KAZN: variants seen among roughly 807,000 people sequenced by gnomAD.
KAZN encodes kazrin.
Under a neutral mutation model 87.4 loss-of-function variants are expected in KAZN, and 40 were observed. The ratio of observed to expected loss-of-function variants is 0.46; its 90% CI spans 0.36 to 0.60. The LOEUF is 0.60. KAZN is among the 20% of genes least tolerant of loss of function. The pLI, the probability that KAZN is intolerant of heterozygous loss-of-function variation, is 0.00. For missense variants in KAZN, 898 were observed against 1,073.9 expected, an observed-to-expected ratio of 0.84 and a Z score of 2.29; for synonymous variants, 466 against 458.3, an observed-to-expected ratio of 1.02 and a Z score of -0.22.
At chr1:14,921,796 C>T (rs59598763) in intron 1 of KAZN, among the ~76,000 whole-genome samples, 25,903 of 152,284 alleles carry the variant, frequency 0.17, 2,337 homozygotes, top group African/African-American at 0.21. Flanking sequence ...TCTGCAGCCT[C>T]CCCCTCCTAG....
In KAZN at chr1:14,631,303, G is replaced by A. The variant is rs72865003; in HGVS notation, c.226+32080G>A. On this transcript the variant is annotated intron_variant, in intron 1 of 14. Transcript: ENST00000376030. ...CAAGTATGAGCCAGGAAACAGTGAA[G>A]GCTAGAATAATTTGAGCCTGGATCA... is the stretch of plus-strand genomic sequence containing the variant. Among the ~76,000 whole-genome samples the A allele has an allele frequency of 2.7e-3, 416 of 152,344 alleles. 4 individuals are homozygous for A. Among genetic ancestry groups the A allele is most frequent in the African/African-American group, 9.7e-3 (404 of 41,574 alleles).
intron 1 of KAZN, among the ~76,000 whole-genome samples, chr1:14,899,993 G>A (rs1380885300): frequency 3.3e-5 from 5 of 152,046 alleles, no homozygotes; most frequent in African/African-American, 9.7e-5. Context: ...TCTTCTTCCC[G>A]TTCCGGCCCT....
intron 13 of KAZN, among the ~76,000 whole-genome samples, chr1:15,108,650 TAATGGGTTGAGACTC>T (rs1234571467): frequency 6.6e-6 from 1 of 152,202 alleles, no homozygotes; most frequent in South Asian, 2.1e-4. Context: ...AATCCTTGGT[TAATGGGTTGAGACTC>T]AATGCTCGGG....
chr1:14,253,154 C>A (rs558970669), intron 2 of KAZN, among the ~76,000 whole-genome samples: 2 of 151,064 alleles, frequency 1.3e-5, no homozygotes, highest in Non-Finnish European at 2.9e-5. Flanking sequence ...ACCCGGTTAC[C>A]GGGGTAGAGT....
chr1:14,524,125 G>A (rs988625384), intron 2 of KAZN, among the ~76,000 whole-genome samples: 4 of 152,016 alleles, frequency 2.6e-5, no homozygotes, highest in South Asian at 4.2e-4. Flanking sequence ...AGATTCAAGC[G>A]ATTCTCCTGC....
In KAZN at chr1:14,781,119, G is replaced by A. The variant is rs183394050; in HGVS notation, c.227-179565G>A. 5.3e-3 allele frequency among the ~76,000 whole-genome samples: 813 copies of A among 152,044 alleles called. 9 individuals are homozygous for A. Among genetic ancestry groups the A allele is most frequent in the African/African-American group, 0.019 (771 of 41,486 alleles). On this transcript the variant is annotated intron_variant, in intron 1 of 14. Transcript: ENST00000376030. ...AGGTGGATCACGAGGTCAGGAGATC[G>A]AGACCATCCTGGCTAACACGGTGAA... is the stretch of plus-strand genomic sequence containing the variant.
intron 2 of KAZN, among the ~76,000 whole-genome samples, chr1:14,426,884 TCCTTTAACTTTTC>T (rs564808313): frequency 1.7e-3 from 260 of 152,308 alleles, no homozygotes; most frequent in African/African-American, 6.0e-3. Context: ...TCCCTTTGTT[TCCTTTAACTTTTC>T]CCTTTCACAT....
At chr1:14,286,792 A>T (rs1272189673) in intron 2 of KAZN, among the ~76,000 whole-genome samples, 1 of 152,204 alleles carries the variant, frequency 6.6e-6, no homozygotes, top group African/African-American at 2.4e-5. Flanking sequence ...GCTTAGAACT[A>T]TAACACTCAT....
chr1:14,789,358 C>G (rs1051329163), intron 1 of KAZN, among the ~76,000 whole-genome samples: 1 of 152,170 alleles, frequency 6.6e-6, no homozygotes, highest in Non-Finnish European at 1.5e-5. Context: ...TTCCGGTCAG[C>G]TGATGTGCAA....
In KAZN at chr1:14,945,185, A is replaced by G. The variant is rs372410790; in HGVS notation, c.227-15499A>G. Reference sequence around the variant, plus strand: ...GGGATGTGTGCCCAGCATCAGGAGCACCCCTGCAGGCCTCGCAGCTATAGA... The same window carrying G: ...GGGATGTGTGCCCAGCATCAGGAGCGCCCCTGCAGGCCTCGCAGCTATAGA... On this transcript the variant is annotated intron_variant, in intron 1 of 14. Transcript: ENST00000376030. Among the ~76,000 whole-genome samples the G allele has an allele frequency of 3.0e-3, 464 of 152,280 alleles. 2 individuals carry two copies. Among genetic ancestry groups the G allele is most frequent in the African/African-American group, 0.01 (430 of 41,548 alleles).
At chr1:15,045,810 A>G (rs1299381331) in intron 4 of KAZN, among the ~76,000 whole-genome samples, 1 of 152,200 alleles carries the variant, frequency 6.6e-6, no homozygotes, top group Non-Finnish European at 1.5e-5. Flanking sequence ...CTTATGAACC[A>G]TCAGATCTCG....
chr1:14,131,608 G>A (rs1363683657), intron 1 of KAZN, among the ~76,000 whole-genome samples: 4 of 151,948 alleles, frequency 2.6e-5, no homozygotes, highest in Admixed American at 6.6e-5. Context: ...GCTAATGGTT[G>A]GAAACTTATT....
intron 2 of KAZN, among the ~76,000 whole-genome samples, chr1:14,490,863 C>G (rs1239896678): frequency 6.6e-6 from 1 of 152,208 alleles, no homozygotes; most frequent in East Asian, 1.9e-4. Context: ...AAACATTGTT[C>G]TAATCCTCTT....
chr1:14,988,473 A>T (rs1667045923), intron 2 of KAZN, among the ~76,000 whole-genome samples: 1 of 152,164 alleles, frequency 6.6e-6, no homozygotes, highest in Non-Finnish European at 1.5e-5. Flanking sequence ...TGCTGGAGGG[A>T]ATCGTGATGA....
At chr1:14,833,003 A>G (rs1178332186) in intron 1 of KAZN, among the ~76,000 whole-genome samples, 1 of 152,236 alleles carries the variant, frequency 6.6e-6, no homozygotes, top group Non-Finnish European at 1.5e-5. Context: ...ATATTTATTC[A>G]TCTAAAATTT....
intron 2 of KAZN, among the ~76,000 whole-genome samples, chr1:14,507,899 G>A (rs539889543): frequency 5.9e-5 from 9 of 152,028 alleles, no homozygotes; most frequent in African/African-American, 2.2e-4. Flanking sequence ...CCCGGGAGGT[G>A]GAGCTTGCAG....
chr1:14,335,112 C>T (rs533308913), intron 2 of KAZN, among the ~76,000 whole-genome samples: 1 of 151,242 alleles, frequency 6.6e-6, no homozygotes, highest in Non-Finnish European at 1.5e-5. Context: ...CGGTGCCCCC[C>T]CCCCACCACC....
intron 1 of KAZN, among the ~76,000 whole-genome samples, chr1:14,861,474 G>A (rs1650845538): frequency 6.6e-6 from 1 of 152,210 alleles, no homozygotes; most frequent in Non-Finnish European, 1.5e-5. Context: ...TCATCATTGA[G>A]ACATAAGGAA....
intron 2 of KAZN, among the ~76,000 whole-genome samples, chr1:15,019,593 T>C (rs1670460268): frequency 6.6e-6 from 1 of 152,080 alleles, no homozygotes; most frequent in Non-Finnish European, 1.5e-5. Context: ...TTCGCCATGT[T>C]GGCCAGGCTG....
Sources: gnomAD v4.1 joint callset for allele counts (sites outside exome capture counted in the v4.1 genomes callset) on GRCh38, gnomAD v4.1.1 for gene constraint, MANE v1.5 for transcripts, NCBI Gene and HGNC (gene_info 2026-07-23, HGNC 2026-07-21) for gene names.